AXDND1: variants seen among roughly 807,000 people sequenced by gnomAD.
AXDND1 encodes axonemal dynein light chain domain-containing protein 1.
In AXDND1, 110 loss-of-function variants were observed where a neutral mutation model predicts 137.5. The ratio of observed to expected loss-of-function variants is 0.80; its 90% CI spans 0.69 to 0.94. AXDND1 has a LOEUF of 0.94. Among genes scored for constraint, AXDND1 ranks in the 40% least tolerant of loss-of-function variants. AXDND1 has a pLI of 0.00. For missense variants in AXDND1, 1,191 were observed against 1,169.8 expected (o/e 1.02, Z -0.26); for synonymous variants, 414 against 399.7 (o/e 1.04, Z -0.43).
chr1:179,516,579 T>C (rs1481911098), intron 21 of AXDND1, among the ~76,000 whole-genome samples: 2 of 152,186 alleles, frequency 1.3e-5, no homozygotes, highest in African/African-American at 4.8e-5. Flanking sequence ...CTCATTTGGG[T>C]AGGCTCTGTC....
intron 21 of AXDND1, among the ~76,000 whole-genome samples, chr1:179,517,733 G>T (rs72704464): frequency 0.046 from 7,014 of 152,322 alleles, 248 homozygotes; most frequent in Non-Finnish European, 0.07. Flanking sequence ...CCCCAGTGGG[G>T]GTGTGTTTGG....
At chr1:179,437,215 G>A (rs1658299855) in intron 15 of AXDND1, among the ~76,000 whole-genome samples, 1 of 152,076 alleles carries the variant, frequency 6.6e-6, no homozygotes. Flanking sequence ...AAGGGGTCGG[G>A]GGCACCTTGC....
intron 25 of AXDND1, among the ~76,000 whole-genome samples, chr1:179,538,050 A>AT (rs2125717141): frequency 6.6e-6 from 1 of 152,166 alleles, no homozygotes; most frequent in African/African-American, 2.4e-5. Flanking sequence ...CCCCTTTATC[A>AT]TTTTTTATTG....
intron 16 of AXDND1, chr1:179,457,138 C>G: frequency 1.1e-6 from 1 of 909,478 alleles, no homozygotes; most frequent in Non-Finnish European, 1.8e-6. Context: ...CATCCACCTT[C>G]TCCGCAGTGG....
intron 12 of AXDND1, among the ~76,000 whole-genome samples, chr1:179,419,124 C>A (rs1655236599): frequency 6.6e-6 from 1 of 151,610 alleles, no homozygotes; most frequent in Non-Finnish European, 1.5e-5. Context: ...ACGCTCCTCA[C>A]TTTCCAGACT....
At chr1:179,470,494 A>G (rs1311856184) in intron 17 of AXDND1, among the ~76,000 whole-genome samples, 1 of 152,128 alleles carries the variant, frequency 6.6e-6, no homozygotes, top group African/African-American at 2.4e-5. Flanking sequence ...TTCTGAGTAT[A>G]AGCTGTACAC....
At chr1:179,412,695 C>T (rs1470164041) in intron 12 of AXDND1, among the ~76,000 whole-genome samples, 2 of 152,324 alleles carry the variant, frequency 1.3e-5, no homozygotes, top group South Asian at 2.1e-4. Flanking sequence ...TCTGCTATCA[C>T]TGGAGATCCT....
Position 179,430,618 on chromosome 1 carries a change from A to T in AXDND1, c.1487+12A>T. 10 of 1,602,576 alleles carry T rather than the reference A, an allele frequency of 6.2e-6. No individual in the cohort carries two copies. The highest frequency in any genetic ancestry group is 8.5e-6 in the Non-Finnish European group (10 of 1,176,420). On this transcript the variant is annotated intron_variant, in intron 14 of 25. Transcript: ENST00000367618. The stretch of plus-strand genomic sequence containing the variant: ...CAGGAGTTCTTCAAGTGAGTCACCA[A>T]GAATCTTGTTTTTCTGATTATACTT...
chr1:179,375,566 G>A (rs900253703), intron 4 of AXDND1, among the ~76,000 whole-genome samples: 68 of 150,356 alleles, frequency 4.5e-4, no homozygotes, highest in African/African-American at 1.5e-3. Context: ...ACACATATAT[G>A]TACATACATA....
chr1:179,554,726 T>C lies in AXDND1; in HGVS notation c.*207T>C. ...CATGGTGCCACCCAATAAATATCTGTGCAATTGAAGATGGTGTGGTATGCT... is the reference window on the plus strand; with the variant it reads ...CATGGTGCCACCCAATAAATATCTGCGCAATTGAAGATGGTGTGGTATGCT... On this transcript the variant is annotated 3_prime_UTR_variant, in exon 26 of 26. Transcript: ENST00000367618. 1.4e-6 allele frequency: 1 copy of C among 698,040 alleles called. No individual in the cohort carries two copies. Among genetic ancestry groups the C allele is most frequent in the Non-Finnish European group, 2.5e-6 (1 of 398,846 alleles). 43.2% of individuals were successfully genotyped at this position (698,040 alleles called of 1,614,324 possible).
intron 16 of AXDND1, among the ~76,000 whole-genome samples, chr1:179,464,957 A>G (rs1662913934): frequency 6.6e-6 from 1 of 152,154 alleles, no homozygotes. Context: ...CATGGTTTTC[A>G]GCTCCATCAG....
At chr1:179,413,647 A>G (rs1391392199) in intron 12 of AXDND1, among the ~76,000 whole-genome samples, 1 of 152,170 alleles carries the variant, frequency 6.6e-6, no homozygotes, top group Non-Finnish European at 1.5e-5. Flanking sequence ...TTAATCATTG[A>G]TGGACACTTC....
At chr1:179,417,647 G>C (rs1321849295) in intron 12 of AXDND1, among the ~76,000 whole-genome samples, 2 of 152,210 alleles carry the variant, frequency 1.3e-5, no homozygotes, top group East Asian at 3.9e-4. Context: ...CAGGTAGTGT[G>C]ATGCCTCCTG....
chr1:179,498,257 A>T (rs767978328), intron 20 of AXDND1, among the ~76,000 whole-genome samples: 6 of 152,002 alleles, frequency 3.9e-5, no homozygotes, highest in Non-Finnish European at 7.4e-5. Context: ...ACTTCAAACT[A>T]TATAATAAAG....
At chr1:179,547,615 G>T (rs1285462329) in intron 25 of AXDND1, among the ~76,000 whole-genome samples, 1 of 152,160 alleles carries the variant, frequency 6.6e-6, no homozygotes, top group Admixed American at 6.5e-5. Context: ...AGTGGCTTCT[G>T]TCGGTTTGGA....
chr1:179,377,153 A>G lies in AXDND1; in HGVS notation c.375-1484A>G, dbSNP rs61821513. Among the ~76,000 whole-genome samples the G allele has an allele frequency of 9.9e-3, 1,508 of 152,200 alleles. 7 individuals carry two copies. Among genetic ancestry groups the G allele is most frequent in the Non-Finnish European group, 0.015 (1,032 of 68,020 alleles). The stretch of plus-strand genomic sequence containing the variant: ...CGCCATATTGGTCAGGTTGGCCACA[A>G]ACTCCTGACCTCAAGTGATCTGCCC... On this transcript the variant is annotated intron_variant, in intron 4 of 25. Coordinates refer to ENST00000367618, the MANE Select transcript of AXDND1 (RefSeq NM_144696.6).
At chr1:179,433,860 G>A (rs569147702) in intron 15 of AXDND1, among the ~76,000 whole-genome samples, 1 of 152,300 alleles carries the variant, frequency 6.6e-6, no homozygotes, top group African/African-American at 2.4e-5. Context: ...TTCTGTAGAT[G>A]TCTATTAGAT....
chr1:179,381,658 A>G (rs1354678510), intron 6 of AXDND1, among the ~76,000 whole-genome samples: 1 of 152,056 alleles, frequency 6.6e-6, no homozygotes, highest in Non-Finnish European at 1.5e-5. Context: ...TGAATTTTTT[A>G]AAATTTCATC....
intron 21 of AXDND1, among the ~76,000 whole-genome samples, chr1:179,516,686 G>T (rs1669570161): frequency 1.3e-5 from 2 of 152,144 alleles, no homozygotes; most frequent in African/African-American, 4.8e-5. Context: ...CTATGGATGT[G>T]GCTTCCTATG....
Sources: allele counts gnomAD v4.1 joint callset (sites outside exome capture counted in the v4.1 genomes callset), GRCh38; gene constraint gnomAD v4.1.1; transcripts MANE v1.5; gene names NCBI Gene and HGNC (gene_info 2026-07-23, HGNC 2026-07-21).